ZNF804A: variants seen among roughly 807,000 people sequenced by gnomAD.
The protein encoded by ZNF804A is zinc finger protein 804A.
A neutral mutation model predicts 16.5 loss-of-function variants in ZNF804A; 2 were observed. The observed-to-expected ratio is 0.12, with a 90% CI of 0.05 to 0.38. The LOEUF is 0.38. ZNF804A is among the 10% of genes least tolerant of loss of function. ZNF804A has a pLI of 0.99. For missense variants in ZNF804A, 1,473 were observed against 1,390.7 expected, an observed-to-expected ratio of 1.06 and a Z score of -0.94; for synonymous variants, 534 against 489.6, an observed-to-expected ratio of 1.09 and a Z score of -1.20.
intron 1 of ZNF804A, among the ~76,000 whole-genome samples, chr2:184,648,116 G>A (rs141374460): frequency 1.3e-4 from 20 of 152,054 alleles, no homozygotes; most frequent in African/African-American, 4.6e-4. Context: ...TTTAAGAAAA[G>A]AAAAGAAAAG....
intron 1 of ZNF804A, among the ~76,000 whole-genome samples, chr2:184,842,523 T>TAA (rs71403991): frequency 6.8e-6 from 1 of 147,234 alleles, no homozygotes; most frequent in Admixed American, 6.8e-5. Flanking sequence ...TTTTTTTTTT[T>TAA]AAAAAAAAAG....
intron 1 of ZNF804A, among the ~76,000 whole-genome samples, chr2:184,721,561 G>A (rs1574179718): frequency 6.6e-6 from 1 of 152,116 alleles, no homozygotes; most frequent in Middle Eastern, 3.4e-3. Flanking sequence ...TACTATGGCT[G>A]TTATTAAAGC....
intron 2 of ZNF804A, among the ~76,000 whole-genome samples, chr2:184,893,072 G>T (rs188984519): frequency 5.9e-5 from 9 of 151,980 alleles, no homozygotes; most frequent in African/African-American, 2.2e-4. Flanking sequence ...TGTAAAATAT[G>T]CTGTGATAGT....
chr2:184,829,899 C>CAAAAAAAAAAAAA lies in ZNF804A; in HGVS notation c.112-36459_112-36447dup, dbSNP rs1244566222. Among the ~76,000 whole-genome samples the CAAAAAAAAAAAAA allele has an allele frequency of 3.1e-4, 12 of 38,880 alleles. 1 individual carries two copies. Among genetic ancestry groups the CAAAAAAAAAAAAA allele is most frequent in the Non-Finnish European group, 4.8e-4 (10 of 20,846 alleles). The allele number at this position is 38,880 out of a possible 152,430, so 25.5% of individuals were successfully genotyped here. A position where few individuals can be genotyped will look rare whatever the true frequency, so the allele number is the denominator to read the frequency against. ...CAACATGTCAAAACCCTGTCTCTACCAAAAAAAAAAAAAAAAAAAAAAACA... is the reference window on the plus strand; with the variant it reads ...CAACATGTCAAAACCCTGTCTCTACCAAAAAAAAAAAAAAAAAAAAAAAAAAAAAAAAAAAACA... On this transcript the variant is annotated intron_variant, in intron 1 of 3. Coordinates refer to ENST00000302277, the MANE Select transcript of ZNF804A (RefSeq NM_194250.2).
chr2:184,892,081 G>T (rs1218905163), intron 2 of ZNF804A, among the ~76,000 whole-genome samples: 3 of 152,142 alleles, frequency 2.0e-5, no homozygotes, highest in Non-Finnish European at 4.4e-5. Context: ...GTTTTCTGCA[G>T]GAACTTGCCT....
chr2:184,667,549 T>G (rs1331284989), intron 1 of ZNF804A, among the ~76,000 whole-genome samples: 1 of 151,930 alleles, frequency 6.6e-6, no homozygotes, highest in Non-Finnish European at 1.5e-5. Flanking sequence ...AATTATGACA[T>G]AGATAGAAAA....
At chr2:184,785,889 A>T (rs1694440574) in intron 1 of ZNF804A, among the ~76,000 whole-genome samples, 1 of 152,042 alleles carries the variant, frequency 6.6e-6, no homozygotes. Context: ...TTAAGATCAT[A>T]TCCTTATATC....
intron 1 of ZNF804A, among the ~76,000 whole-genome samples, chr2:184,649,703 G>A (rs936920084): frequency 4.4e-4 from 66 of 151,702 alleles, no homozygotes; most frequent in African/African-American, 1.4e-3. Flanking sequence ...ATTTCCTCTG[G>A]AAGAACACAG....
At chr2:184,896,145 A>C (rs1293000768) in intron 2 of ZNF804A, among the ~76,000 whole-genome samples, 1 of 152,102 alleles carries the variant, frequency 6.6e-6, no homozygotes, top group Non-Finnish European at 1.5e-5. Context: ...CCAGACTCAC[A>C]CAAAACACGA....
intron 1 of ZNF804A, among the ~76,000 whole-genome samples, chr2:184,703,709 A>AGAAAGAAAG (rs796358066): frequency 7.6e-6 from 1 of 131,366 alleles, no homozygotes; most frequent in Non-Finnish European, 1.7e-5. Context: ...AAAAAAAAAA[A>AGAAAGAAAG]AAAGAAAGAA....
At chr2:184,681,113 C>T (rs947246277) in intron 1 of ZNF804A, among the ~76,000 whole-genome samples, 1 of 152,164 alleles carries the variant, frequency 6.6e-6, no homozygotes, top group Non-Finnish European at 1.5e-5. Context: ...GTGCAAGATC[C>T]AGGGCAGTAG....
intron 2 of ZNF804A, among the ~76,000 whole-genome samples, chr2:184,886,421 C>T (rs938105995): frequency 6.6e-6 from 1 of 152,156 alleles, no homozygotes; most frequent in South Asian, 2.1e-4. Context: ...TGTCAGTGAT[C>T]TGCCATTCTG....
At chr2:184,840,166 A>G (rs998279617) in intron 1 of ZNF804A, among the ~76,000 whole-genome samples, 2 of 152,170 alleles carry the variant, frequency 1.3e-5, no homozygotes, top group African/African-American at 4.8e-5. Context: ...AGGTGGGAGG[A>G]TCACCTGAGG....
intron 1 of ZNF804A, among the ~76,000 whole-genome samples, chr2:184,655,847 G>A (rs1310873664): frequency 1.3e-5 from 2 of 151,948 alleles, no homozygotes; most frequent in African/African-American, 2.4e-5. Context: ...GGCCATTAGC[G>A]GTGGATGGCA....
intron 1 of ZNF804A, among the ~76,000 whole-genome samples, chr2:184,667,520 C>T (rs907472044): frequency 2.6e-5 from 4 of 151,742 alleles, no homozygotes; most frequent in Non-Finnish European, 5.9e-5. Context: ...AGACATTATC[C>T]TGGAAGCAAT....
chr2:184,707,441 C>T (rs1416364727), intron 1 of ZNF804A, among the ~76,000 whole-genome samples: 1 of 151,992 alleles, frequency 6.6e-6, no homozygotes, highest in African/African-American at 2.4e-5. Context: ...CAAAGCTTGC[C>T]CCCTTCTCCC....
At chr2:184,672,921 T>C (rs759688966) in intron 1 of ZNF804A, among the ~76,000 whole-genome samples, 2 of 152,090 alleles carry the variant, frequency 1.3e-5, no homozygotes, top group Non-Finnish European at 2.9e-5. Context: ...TTTGTATTTT[T>C]AGTAGAGACG....
intron 1 of ZNF804A, among the ~76,000 whole-genome samples, chr2:184,754,997 A>T: frequency 6.6e-6 from 1 of 151,764 alleles, no homozygotes; most frequent in East Asian, 1.9e-4. Flanking sequence ...CCCCATGATC[A>T]ATCACCTCCC....
intron 1 of ZNF804A, among the ~76,000 whole-genome samples, chr2:184,663,159 C>T (rs1294801150): frequency 1.3e-5 from 2 of 152,144 alleles, no homozygotes; most frequent in Non-Finnish European, 2.9e-5. Context: ...GCTGCAGCCA[C>T]CCAGCCATGG....
Sources: gnomAD v4.1 joint callset for allele counts (sites outside exome capture counted in the v4.1 genomes callset) on GRCh38, gnomAD v4.1.1 for gene constraint, MANE v1.5 for transcripts, NCBI Gene and HGNC (gene_info 2026-07-23, HGNC 2026-07-21) for gene names.